GSN: variants seen among roughly 807,000 people sequenced by gnomAD.
GSN encodes the protein actin-depolymerizing factor.
GSN carries 56 observed loss-of-function variants against 85.7 expected under a neutral mutation model. The ratio of observed to expected loss-of-function variants is 0.65; its 90% CI spans 0.53 to 0.82. GSN has a LOEUF of 0.82. Among genes scored for constraint, GSN ranks in the 40% least tolerant of loss-of-function variants. The pLI is 0.00. For synonymous variants in GSN, 373 were observed against 399.1 expected (o/e 0.93, Z 0.78); for missense variants, 857 against 979.8 (o/e 0.87, Z 1.67).
chr9:121,288,795 G>T (rs2058393126), intron 2 of GSN, among the ~76,000 whole-genome samples: 1 of 151,972 alleles, frequency 6.6e-6, no homozygotes, highest in Non-Finnish European at 1.5e-5. Flanking sequence ...CTGGTATCAT[G>T]GACACGGCAT....
chr9:121,288,424 C>G (rs952381988), intron 2 of GSN, among the ~76,000 whole-genome samples: 1 of 152,128 alleles, frequency 6.6e-6, no homozygotes, highest in Non-Finnish European at 1.5e-5. Context: ...GAGGCTGGTA[C>G]GCAGGGCACA....
intron 11 of GSN, among the ~76,000 whole-genome samples, chr9:121,323,107 A>C (rs1432399752): frequency 6.6e-6 from 1 of 152,146 alleles, no homozygotes; most frequent in Non-Finnish European, 1.5e-5. Flanking sequence ...TTGGGATTAT[A>C]GGCATGAGCC....
intron 2 of GSN, among the ~76,000 whole-genome samples, chr9:121,301,625 C>CAAA (rs753963979): frequency 1.8e-5 from 1 of 55,958 alleles, no homozygotes; most frequent in Non-Finnish European, 4.3e-5. Context: ...GACTCTGTCT[C>CAAA]AAAAAAAAAA....
intron 5 of GSN, among the ~76,000 whole-genome samples, chr9:121,247,968 A>C (rs1245014724): frequency 6.7e-6 from 1 of 149,236 alleles, no homozygotes; most frequent in Non-Finnish European, 1.5e-5. Flanking sequence ...GTTCATTAGG[A>C]GAGTATGTAT....
chr9:121,286,120 C>T (rs767401009), intron 2 of GSN: 1 of 1,535,524 alleles, frequency 6.5e-7, no homozygotes, highest in South Asian at 1.2e-5. Flanking sequence ...AGGAGAGGCC[C>T]ACATAGCTCC....
At chr9:121,203,169 T>G (rs1038338221), upstream of GSN, 3 of 150,256 alleles carry the variant, frequency 2.0e-5, no homozygotes, top group Admixed American at 6.6e-5. Context: ...GCTGGTAGTC[T>G]GCGCCTGTAA....
chr9:121,214,409 A>G (rs1029271674), intron 4 of GSN, among the ~76,000 whole-genome samples: 3 of 152,060 alleles, frequency 2.0e-5, no homozygotes, highest in African/African-American at 7.2e-5. Context: ...TCTGAGTCTC[A>G]GTGTTCTTGT....
At chr9:121,282,630 A>G in intron 2 of GSN, 1 of 674,840 alleles carries the variant, frequency 1.5e-6, no homozygotes, top group East Asian at 3.4e-5. Flanking sequence ...GGGCCCAGAA[A>G]GCTGACTCAC....
At chr9:121,303,388 C>T (rs904022394) in intron 4 of GSN, among the ~76,000 whole-genome samples, 2 of 152,174 alleles carry the variant, frequency 1.3e-5, no homozygotes, top group Admixed American at 6.5e-5. Context: ...CTTGCAGGCC[C>T]TGGGGGGCTT....
chr9:121,255,390 G>A (rs1221707041), intron 6 of GSN, among the ~76,000 whole-genome samples: 2 of 152,062 alleles, frequency 1.3e-5, no homozygotes, highest in East Asian at 1.9e-4. Flanking sequence ...CGTGCGCCAC[G>A]ATGCCTGGCT....
In GSN at chr9:121,318,825, C is replaced by T. The variant is rs1234250509; in HGVS notation, c.1136C>T (p.Ser379Phe). Residue 379 changes from serine (S) to phenylalanine (F), a missense_variant, in exon 10 of 18, where the codon TCC (serine) becomes TTC (phenylalanine). Coordinates refer to ENST00000432226, the MANE Select transcript of GSN (RefSeq NM_198252.3). The surrounding 1 kb of genome is among the most constrained non-coding windows in gnomAD (Gnocchi z 4.3). ...VPFDAATLHTSTAMAAQHGMD... is the reference protein window; with the variant it reads ...VPFDAATLHTFTAMAAQHGMD... The stretch of plus-strand genomic sequence containing the variant: ...TTCGACGCCGCCACCCTGCACACCT[C>T]CACTGCCATGGCCGCCCAGCACGGC... 1 of 1,614,150 alleles carries T rather than the reference C, an allele frequency of 6.2e-7. No homozygotes were observed. The highest frequency in any genetic ancestry group is 8.5e-7 in the Non-Finnish European group (1 of 1,180,032).
At position 121,299,959 on chromosome 9, in the gene GSN, G is replaced by C; in HGVS notation, c.-9-2004G>C. ...GTCCGCGCGGCCACTGCGTCGCGGG[G>C]GGCGTCCCAGGCGGGGGCGCCCCAG... is the stretch of plus-strand genomic sequence containing the variant. On this transcript the variant is annotated intron_variant, in intron 2 of 17. Transcript: ENST00000432226. The surrounding 1 kb of genome is among the most constrained non-coding windows in gnomAD (Gnocchi z 4.2). 7.8e-7 allele frequency: 1 copy of C among 1,283,008 alleles called. No homozygotes were observed. Among genetic ancestry groups the C allele is most frequent in the Non-Finnish European group, 9.9e-7 (1 of 1,013,482 alleles). The allele number at this position is 1,283,008 out of a possible 1,614,324, so 79.5% of individuals were successfully genotyped here.
chr9:121,316,766 C>T (rs960835620), intron 7 of GSN, among the ~76,000 whole-genome samples: 4 of 152,196 alleles, frequency 2.6e-5, no homozygotes, highest in South Asian at 2.1e-4. Flanking sequence ...ACACTGTAAC[C>T]GGCCTCTTCT....
intron 6 of GSN, 76 bp downstream of exon 6, chr9:121,312,564 GA>G (rs1484267647): frequency 8.5e-7 from 1 of 1,182,604 alleles, no homozygotes; most frequent in Non-Finnish European, 1.2e-6. Flanking sequence ...TAGGCAATTT[GA>G]GGTGAATTTG....
chr9:121,285,385 T>C (rs1435006879), intron 2 of GSN: 1 of 167,060 alleles, frequency 6.0e-6, no homozygotes, highest in Admixed American at 6.5e-5. Context: ...ACTGAGGGGA[T>C]TGGACATGCT....
upstream of GSN, among the ~76,000 whole-genome samples, chr9:121,207,244 A>C (rs115755593): frequency 5.8e-3 from 891 of 152,318 alleles, 10 homozygotes; most frequent in African/African-American, 0.02. Flanking sequence ...ATACAGGCAG[A>C]AGATGTGAGA....
chr9:121,232,370 G>T (rs2054407365), intron 5 of GSN, among the ~76,000 whole-genome samples: 1 of 152,222 alleles, frequency 6.6e-6, no homozygotes, highest in African/African-American at 2.4e-5. Flanking sequence ...TTATTAGTCT[G>T]TATAGATTAA....
chr9:121,209,804 G>A (rs1016605928), intron 2 of GSN, among the ~76,000 whole-genome samples: 2 of 152,198 alleles, frequency 1.3e-5, no homozygotes, highest in African/African-American at 4.8e-5. Context: ...AAGTAAGTTA[G>A]GAAAGAAGAA....
chr9:121,328,781 G>A (rs1050672609), intron 14 of GSN, 110 bp from the exon 15 acceptor site: 3 of 1,120,376 alleles, frequency 2.7e-6, no homozygotes, highest in African/African-American at 3.0e-5. Flanking sequence ...ATGGAGGGAG[G>A]AGAGGGAGAG....
Sources: gnomAD v4.1 joint callset for allele counts (sites outside exome capture counted in the v4.1 genomes callset) on GRCh38, gnomAD v4.1.1 for gene constraint, Gnocchi (gnomAD v3.1) non-coding constraint, MANE v1.5 for transcripts, NCBI Gene and HGNC (gene_info 2026-07-23, HGNC 2026-07-21) for gene names.